Variants in TMC1 observed in about 807,000 individuals in gnomAD.
The protein encoded by TMC1 is transmembrane channel like 1.
A neutral mutation model predicts 105.8 loss-of-function variants in TMC1; 84 were observed. That is an observed-to-expected ratio of 0.79 (90% confidence interval 0.67 to 0.95). The LOEUF (loss-of-function observed/expected upper bound fraction) is 0.95, where lower values mean the gene tolerates loss of function less well. Ranked by LOEUF, TMC1 falls within the 40% of genes least tolerant of loss-of-function variation. The probability of loss-of-function intolerance (pLI) is 0.00; values close to 1 mark genes in which losing one functional copy is unlikely to be tolerated. For missense variants in TMC1, 817 were observed against 914.1 expected, an observed-to-expected ratio of 0.89 and a Z score of 1.37; for synonymous variants, 315 against 311.5, an observed-to-expected ratio of 1.01 and a Z score of -0.12.
chr9:72,547,770 C>T (rs1303203712), intron 1 of TMC1, among the ~76,000 whole-genome samples: 2 of 152,114 alleles, frequency 1.3e-5, no homozygotes, highest in Non-Finnish European at 2.9e-5. Context: ...CTATTCTATA[C>T]CCCCCATGAA....
rs367604955 is a variant in TMC1 at position 72,590,155 on chromosome 9, G to A, written c.-306+12132G>A. On this transcript the variant is annotated intron_variant, in intron 2 of 23. Coordinates refer to ENST00000297784, the MANE Select transcript of TMC1 (RefSeq NM_138691.3). Reference sequence around the variant, plus strand: ...TCAGTTTTTAAAAATCCAATGGGGAGAAGCTTGGATTCAAATGATAGCATT... The same window carrying A: ...TCAGTTTTTAAAAATCCAATGGGGAAAAGCTTGGATTCAAATGATAGCATT... Among the ~76,000 whole-genome samples, 5 of 152,318 alleles carry A rather than the reference G, an allele frequency of 3.3e-5. No homozygotes were observed. In the South Asian group the frequency reaches 6.2e-4, roughly 19 times the overall value.
At chr9:72,588,794 A>G (rs1824592269) in intron 2 of TMC1, among the ~76,000 whole-genome samples, 2 of 127,024 alleles carry the variant, frequency 1.6e-5, no homozygotes, top group African/African-American at 6.1e-5. Context: ...TTTTTTTTTG[A>G]GACAGGGTTT....
In TMC1 at chr9:72,648,623, A is replaced by T. The variant is rs773629810; in HGVS notation, c.-26A>T. 6.2e-7 allele frequency: 1 copy of T among 1,612,024 alleles called. No homozygotes were observed. Among genetic ancestry groups the T allele is most frequent in the Non-Finnish European group, 8.5e-7 (1 of 1,178,142 alleles). On this transcript the variant is annotated 5_prime_UTR_variant, in exon 5 of 24. Transcript: ENST00000297784. ...CCCTCTCCAAACTAGCCAGCCACTG[A>T]GACCTTCTGACAGGACACCCCCAGG... is the stretch of plus-strand genomic sequence containing the variant.
Position 72,836,087 on chromosome 9 carries a change from C to A in TMC1, c.*114C>A. On this transcript the variant is annotated 3_prime_UTR_variant, in exon 24 of 24. Transcript: ENST00000297784. ...GGAACTGCTATTTTCCTGTTCTACC[C>A]TTGATGGATTTTCAAGGTCATGCTG... 8.1e-7 allele frequency: 1 copy of A among 1,241,870 alleles called. No individual in the cohort carries two copies. Among genetic ancestry groups the A allele is most frequent in the Non-Finnish European group, 1.2e-6 (1 of 852,608 alleles). The allele number at this position is 1,241,870 out of a possible 1,614,324, so 76.9% of individuals were successfully genotyped here.
chr9:72,789,953 C>T (rs1473067658), intron 15 of TMC1, among the ~76,000 whole-genome samples: 1 of 152,184 alleles, frequency 6.6e-6, no homozygotes, highest in East Asian at 1.9e-4. Context: ...AGAAGGCCAG[C>T]TCTTTTCCAG....
intron 1 of TMC1, among the ~76,000 whole-genome samples, chr9:72,559,098 C>CTT (rs1188064763): frequency 4.2e-5 from 6 of 142,366 alleles, no homozygotes; most frequent in African/African-American, 1.0e-4. Context: ...GAAGATTTTT[C>CTT]TTTTTTTTTT....
Position 72,782,730 on chromosome 9 carries a change from C to G in TMC1, c.885-5609C>G, listed in dbSNP as rs1291709193. Among the ~76,000 whole-genome samples the G allele has an allele frequency of 2.6e-5, 4 of 152,110 alleles. No individual in the cohort carries two copies. The South Asian group carries it at 6.2e-4, about 24-fold the overall frequency. ...ATATAATATCTAGGAATATAGCTAACCAGGGAGGTGAAAGATCTCTACAAT... is the reference window on the plus strand; with the variant it reads ...ATATAATATCTAGGAATATAGCTAAGCAGGGAGGTGAAAGATCTCTACAAT... On this transcript the variant is annotated intron_variant, in intron 13 of 23. Transcript: ENST00000297784.
chr9:72,644,793 A>T (rs952354533), intron 4 of TMC1, among the ~76,000 whole-genome samples: 2 of 152,198 alleles, frequency 1.3e-5, no homozygotes, highest in Admixed American at 6.5e-5. Flanking sequence ...ATGGAATTTT[A>T]AAATTTTCAA....
chr9:72,833,038 G>GTA (rs1335624338), intron 23 of TMC1, among the ~76,000 whole-genome samples: 1 of 151,890 alleles, frequency 6.6e-6, no homozygotes, highest in Non-Finnish European at 1.5e-5. Context: ...TTAGTTTTAA[G>GTA]TATTATCTCT....
intron 2 of TMC1, among the ~76,000 whole-genome samples, chr9:72,581,272 T>C (rs1405974845): frequency 6.6e-6 from 1 of 152,210 alleles, no homozygotes; most frequent in Non-Finnish European, 1.5e-5. Flanking sequence ...TAGGGTTCTT[T>C]ATTTATTTTT....
At chr9:72,695,176 A>T (rs1338505751) in intron 7 of TMC1, among the ~76,000 whole-genome samples, 2 of 152,166 alleles carry the variant, frequency 1.3e-5, no homozygotes, top group Non-Finnish European at 2.9e-5. Flanking sequence ...TATGGGACAG[A>T]GTTGTACATC....
intron 1 of TMC1, among the ~76,000 whole-genome samples, chr9:72,548,618 C>G (rs1054503510): frequency 2.6e-5 from 4 of 151,412 alleles, no homozygotes; most frequent in African/African-American, 9.7e-5. Context: ...AGAATTTAAG[C>G]CAACAAGATA....
At chr9:72,538,911 G>C (rs1339394906) in intron 1 of TMC1, among the ~76,000 whole-genome samples, 1 of 152,104 alleles carries the variant, frequency 6.6e-6, no homozygotes, top group African/African-American at 2.4e-5. Flanking sequence ...CTCCAAAGGG[G>C]GAGGGTGTAA....
intron 1 of TMC1, among the ~76,000 whole-genome samples, chr9:72,562,625 C>T (rs1430072686): frequency 6.6e-6 from 1 of 152,084 alleles, no homozygotes; most frequent in Non-Finnish European, 1.5e-5. Flanking sequence ...AAGATATAAC[C>T]TCATCTCTCA....
At position 72,524,305 on chromosome 9, in the gene TMC1, G is replaced by T. The variant is rs566506407; in HGVS notation, c.-428+2392G>T. Among the ~76,000 whole-genome samples the T allele has an allele frequency of 1.1e-4, 17 of 152,264 alleles. 1 individual carries two copies. The South Asian group carries it at 3.5e-3, about 32-fold the overall frequency. ...AAAAAGGAAAAAAATAATTTTAAGGGTAAATATTGTCATCAATTTATCTGA... is the reference window on the plus strand; with the variant it reads ...AAAAAGGAAAAAAATAATTTTAAGGTTAAATATTGTCATCAATTTATCTGA... On this transcript the variant is annotated intron_variant, in intron 1 of 23. Transcript: ENST00000297784.
At chr9:72,782,218 T>A (rs1482403522) in intron 13 of TMC1, among the ~76,000 whole-genome samples, 1 of 152,182 alleles carries the variant, frequency 6.6e-6, no homozygotes, top group South Asian at 2.1e-4. Context: ...AACTACGTGA[T>A]CATCTCAATA....
intron 6 of TMC1, among the ~76,000 whole-genome samples, chr9:72,691,669 T>TC (rs1303588876): frequency 2.0e-5 from 3 of 152,314 alleles, no homozygotes; most frequent in South Asian, 4.1e-4. Context: ...AAGCAGCATG[T>TC]CCTGAGTTCT....
chr9:72,645,898 T>C (rs560003226), intron 4 of TMC1, among the ~76,000 whole-genome samples: 22 of 152,362 alleles, frequency 1.4e-4, no homozygotes, highest in African/African-American at 5.1e-4. Flanking sequence ...TCTTAAGGAA[T>C]GGACTATTTG....
At chr9:72,620,843 C>T (rs1290527076) in intron 3 of TMC1, among the ~76,000 whole-genome samples, 3 of 152,048 alleles carry the variant, frequency 2.0e-5, no homozygotes, top group Non-Finnish European at 1.5e-5. Flanking sequence ...AGAAATTAAC[C>T]TCAGAAGGAG....
Sources: allele counts gnomAD v4.1 joint callset (sites outside exome capture counted in the v4.1 genomes callset), GRCh38; gene constraint gnomAD v4.1.1; transcripts MANE v1.5; gene names NCBI Gene and HGNC (gene_info 2026-07-23, HGNC 2026-07-21).